Variants in ATP8B4 observed in about 807,000 individuals in gnomAD.
ATP8B4 encodes probable phospholipid-transporting ATPase IM.
In ATP8B4, 133 loss-of-function variants were observed where a neutral mutation model predicts 145.6. The ratio of observed to expected loss-of-function variants is 0.91; its 90% CI spans 0.79 to 1.05. The LOEUF (loss-of-function observed/expected upper bound fraction) is 1.05, where lower values mean the gene tolerates loss of function less well. Among genes scored for constraint, ATP8B4 ranks in the 50% least tolerant of loss-of-function variants. The pLI is 0.00. For synonymous variants in ATP8B4, 507 were observed against 492.9 expected (o/e 1.03, Z -0.38); for missense variants, 1,458 against 1,425.2 (o/e 1.02, Z -0.37).
chr15:49,972,534 A>C (rs1159124563), intron 13 of ATP8B4, 48 bp downstream of exon 13: 25 of 1,559,522 alleles, frequency 1.6e-5, no homozygotes, highest in Non-Finnish European at 2.2e-5. Flanking sequence ...TCAGTTATTC[A>C]AGAAATTGTT....
At chr15:50,115,750 C>T (rs139952394) in intron 1 of ATP8B4, among the ~76,000 whole-genome samples, 10 of 152,218 alleles carry the variant, frequency 6.6e-5, no homozygotes, top group Non-Finnish European at 1.3e-4. Flanking sequence ...GGGGACTTGG[C>T]CTTGTGCTAA....
chr15:50,051,331 T>C (rs928951908), intron 3 of ATP8B4, among the ~76,000 whole-genome samples: 3 of 152,194 alleles, frequency 2.0e-5, no homozygotes, highest in Non-Finnish European at 4.4e-5. Context: ...TAATTAAACC[T>C]CTTTTCTTTA....
intron 9 of ATP8B4, 29 bp from the exon 10 acceptor site, chr15:49,987,578 C>A: frequency 6.3e-7 from 1 of 1,594,918 alleles, no homozygotes; most frequent in Non-Finnish European, 8.5e-7. Context: ...AAACAAACCT[C>A]TTTATGACTC....
intron 19 of ATP8B4, 91 bp from the exon 20 acceptor site, chr15:49,917,130 T>A: frequency 8.2e-7 from 1 of 1,224,060 alleles, no homozygotes; most frequent in Non-Finnish European, 1.2e-6. Context: ...AGCTGTATTT[T>A]CTTAAAGCCT....
intron 2 of ATP8B4, among the ~76,000 whole-genome samples, chr15:50,075,263 A>G (rs2054102727): frequency 6.6e-6 from 1 of 152,092 alleles, no homozygotes; most frequent in African/African-American, 2.4e-5. Flanking sequence ...GGAGATGAGG[A>G]AAATGAGGGA....
intron 2 of ATP8B4, among the ~76,000 whole-genome samples, chr15:50,101,384 T>C (rs1368872257): frequency 1.3e-5 from 2 of 151,888 alleles, no homozygotes; most frequent in East Asian, 3.9e-4. Flanking sequence ...CTTAAGGTAA[T>C]GGGGTGGAAA....
intron 2 of ATP8B4, among the ~76,000 whole-genome samples, chr15:50,100,854 G>A (rs1450370544): frequency 1.3e-5 from 2 of 152,190 alleles, no homozygotes; most frequent in African/African-American, 4.8e-5. Flanking sequence ...TCTGTGTGAG[G>A]AGGATTAACA....
chr15:50,020,203 C>T (rs553630200), intron 6 of ATP8B4, among the ~76,000 whole-genome samples: 19 of 151,770 alleles, frequency 1.3e-4, no homozygotes, highest in African/African-American at 4.1e-4. Flanking sequence ...GATCTGCTTG[C>T]CTTGGCCTCC....
intron 6 of ATP8B4, among the ~76,000 whole-genome samples, chr15:50,030,381 G>A (rs1004467507): frequency 3.9e-5 from 6 of 152,194 alleles, no homozygotes; most frequent in Admixed American, 1.3e-4. Context: ...CTGGTGATTC[G>A]CTGCAATAGA....
chr15:50,021,299 T>C (rs1320701562), intron 6 of ATP8B4, among the ~76,000 whole-genome samples: 1 of 152,228 alleles, frequency 6.6e-6, no homozygotes, highest in African/African-American at 2.4e-5. Context: ...CTGTCTACTG[T>C]CTACACAGAA....
At chr15:50,172,025 G>C (rs112538424) in intron 1 of ATP8B4, among the ~76,000 whole-genome samples, 167 of 152,288 alleles carry the variant, frequency 1.1e-3, no homozygotes, top group African/African-American at 3.9e-3. Flanking sequence ...GGAAGGATTA[G>C]ATACACTGAA....
At chr15:49,861,817 T>G (rs1313214255) in intron 27 of ATP8B4, among the ~76,000 whole-genome samples, 4 of 152,226 alleles carry the variant, frequency 2.6e-5, no homozygotes, top group Non-Finnish European at 4.4e-5. Flanking sequence ...TTTCTGAATC[T>G]GCTACTGGAT....
At chr15:49,950,679 T>C (rs1489213090) in intron 14 of ATP8B4, among the ~76,000 whole-genome samples, 1 of 150,144 alleles carries the variant, frequency 6.7e-6, no homozygotes, top group Middle Eastern at 3.2e-3. Flanking sequence ...TTTTGGAGGG[T>C]TTTTTGTGTC....
intron 6 of ATP8B4, among the ~76,000 whole-genome samples, chr15:50,029,255 A>AAAAAAAAAAAAAAAAAAAAC (rs776952913): frequency 3.5e-5 from 5 of 141,266 alleles, no homozygotes; most frequent in Non-Finnish European, 6.4e-5. Context: ...AAAAAAAAAA[A>AAAAAAAAAAAAAAAAAAAAC]AACAGAAAAA....
At chr15:49,876,637 A>G (rs1247883204) in intron 24 of ATP8B4, 114 bp from the exon 25 acceptor site, 1 of 1,393,706 alleles carries the variant, frequency 7.2e-7, no homozygotes, top group African/African-American at 1.4e-5. Context: ...AAAATGCACT[A>G]CTCACTGGGC....
intron 23 of ATP8B4, chr15:49,883,132 T>C (rs1455691911): frequency 6.7e-6 from 1 of 148,986 alleles, no homozygotes; most frequent in African/African-American, 2.5e-5. Flanking sequence ...GATTGGGAAT[T>C]ACACTCACTT....
intron 7 of ATP8B4, among the ~76,000 whole-genome samples, chr15:50,008,676 A>T (rs990010672): frequency 6.6e-6 from 1 of 152,210 alleles, no homozygotes; most frequent in Non-Finnish European, 1.5e-5. Context: ...TAGATGGCCA[A>T]TTGGAGCCTA....
In ATP8B4 at chr15:49,861,422, GTGTCTGTCTGTC is replaced by G. The variant is rs959890334; in HGVS notation, c.3297+811_3297+822del. Among the ~76,000 whole-genome samples, 96 of 148,356 alleles carry G rather than the reference GTGTCTGTCTGTC, an allele frequency of 6.5e-4. 1 individual carries two copies. Among genetic ancestry groups the G allele is most frequent in the African/African-American group, 2.2e-3 (89 of 39,762 alleles). On this transcript the variant is annotated intron_variant, in intron 27 of 27. Coordinates refer to ENST00000284509, the MANE Select transcript of ATP8B4 (RefSeq NM_024837.4). ...AAAAAATGTGTGTGTGTGTGTGTGT[GTGTCTGTCTGTC>G]TGTCTGTCTGTCTGTCTGTCTATCT...
At chr15:49,904,165 T>A (rs921402550) in intron 20 of ATP8B4, among the ~76,000 whole-genome samples, 1 of 152,142 alleles carries the variant, frequency 6.6e-6, no homozygotes, top group Non-Finnish European at 1.5e-5. Flanking sequence ...GGTTTACACA[T>A]AGAGTCAGCC....
Sources: gnomAD v4.1 joint callset for allele counts (sites outside exome capture counted in the v4.1 genomes callset) on GRCh38, gnomAD v4.1.1 for gene constraint, MANE v1.5 for transcripts, NCBI Gene and HGNC (gene_info 2026-07-23, HGNC 2026-07-21) for gene names.